Variants in HORMAD1 observed in about 807,000 individuals in gnomAD.
HORMAD1 encodes the protein HORMA domain containing 1.
In HORMAD1, 33 loss-of-function variants were observed where a neutral mutation model predicts 58.2. The observed-to-expected ratio is 0.57, with a 90% CI of 0.43 to 0.76. HORMAD1 has a LOEUF of 0.76. Among genes scored for constraint, HORMAD1 ranks in the 30% least tolerant of loss-of-function variants. HORMAD1 has a pLI of 0.00. For missense variants in HORMAD1, 363 were observed against 462.0 expected, an observed-to-expected ratio of 0.79 and a Z score of 1.96; for synonymous variants, 137 against 144.6, an observed-to-expected ratio of 0.95 and a Z score of 0.38.
rs754972573 is a variant in HORMAD1, at chr1:150,708,424, TATTA to T, written c.396-21_396-18del. 3 of 1,522,372 alleles carry T rather than the reference TATTA, an allele frequency of 2.0e-6. No homozygotes were observed. The highest frequency in any genetic ancestry group is 1.4e-5 in the African/African-American group (1 of 71,300). 94.3% of individuals were successfully genotyped at this position (1,522,372 alleles called of 1,614,324 possible). A position where few individuals can be genotyped will look rare whatever the true frequency, so the allele number is the denominator to read the frequency against. On this transcript the variant is annotated intron_variant, in intron 8 of 14. Coordinates refer to ENST00000361824, the MANE Select transcript of HORMAD1 (RefSeq NM_032132.5). Reference sequence around the variant, plus strand: ...TGGTTTTTACTAGAAGAGAATCACATATTAATTTATTTTATAAAACCTGTGGCTT... The same window carrying T: ...TGGTTTTTACTAGAAGAGAATCACATATTTATTTTATAAAACCTGTGGCTT...
intron 7 of HORMAD1, among the ~76,000 whole-genome samples, chr1:150,709,705 T>C (rs1160987666): frequency 6.6e-6 from 1 of 152,020 alleles, no homozygotes; most frequent in Non-Finnish European, 1.5e-5. Flanking sequence ...GGAAGGCCAC[T>C]GTCTCCTGCC....
chr1:150,717,468 G>A (rs1447911363), intron 2 of HORMAD1, among the ~76,000 whole-genome samples, 186 bp from the exon 3 acceptor site: 2 of 151,880 alleles, frequency 1.3e-5, no homozygotes, highest in African/African-American at 2.4e-5. Flanking sequence ...TAGGGTAATA[G>A]CCTAAAGGAC....
At chr1:150,713,453 G>A (rs190083891) in intron 5 of HORMAD1, among the ~76,000 whole-genome samples, 1 of 152,020 alleles carries the variant, frequency 6.6e-6, no homozygotes, top group African/African-American at 2.4e-5. Flanking sequence ...GGAGAATGGC[G>A]TGAACCTGGG....
chr1:150,703,779 G>A (rs2101848396), intron 12 of HORMAD1, among the ~76,000 whole-genome samples: 1 of 152,192 alleles, frequency 6.6e-6, no homozygotes, highest in Admixed American at 6.5e-5. Flanking sequence ...TTGAAAAGCA[G>A]AATAAAACAT....
At position 150,720,065 on chromosome 1, in the gene HORMAD1, C is replaced by CACCACAGCCAGCATATATAT. The variant is rs58677366; in HGVS notation, c.-33-528_-33-527insATATATATGCTGGCTGTGGT. 7.8e-3 allele frequency among the ~76,000 whole-genome samples: 1,171 copies of CACCACAGCCAGCATATATAT among 150,100 alleles called. 9 individuals are homozygous for CACCACAGCCAGCATATATAT. The highest frequency in any genetic ancestry group is 0.011 in the Non-Finnish European group (711 of 67,498). On this transcript the variant is annotated intron_variant, in intron 1 of 14. Coordinates refer to ENST00000361824, the MANE Select transcript of HORMAD1 (RefSeq NM_032132.5). ...AGTAGCTGGGACCACAGGTGCCCAC[C>CACCACAGCCAGCATATATAT]ATATATATATATACAATTTTTTTTT...
At position 150,698,698 on chromosome 1, in the gene HORMAD1, C is replaced by G; in HGVS notation, c.1141G>C (p.Val381Leu). ...HHFDSSSQES[V>L]PKRRKFSEPK... ...TCACTAAACTTTCTCCTTTTTGGCA[C>G]TGACTCTTGACTAGAAGAATCAAAG... The change falls in exon 15 of 15, where the codon GTG becomes CTG. Residue 381 changes from valine (V) to leucine (L), a missense_variant. Coordinates refer to ENST00000361824, the MANE Select transcript of HORMAD1 (RefSeq NM_032132.5). The G allele has an allele frequency of 1.2e-6, 2 of 1,604,162 alleles. No individual in the cohort carries two copies. Among genetic ancestry groups the G allele is most frequent in the Middle Eastern group, 1.7e-4 (1 of 5,994 alleles).
At position 150,698,744 on chromosome 1, in the gene HORMAD1, G is replaced by C; in HGVS notation, c.1105-10C>G. Reference sequence around the variant, plus strand: ...CAAAGTGATGGAGGACCTGTCAAAAGAAAACAACTACTAAGAATAGATACT... The same window carrying C: ...CAAAGTGATGGAGGACCTGTCAAAACAAAACAACTACTAAGAATAGATACT... On this transcript the variant is annotated splice_polypyrimidine_tract_variant and intron_variant, in intron 14 of 14. Transcript: ENST00000361824. 1 of 1,480,848 alleles carries C rather than the reference G, an allele frequency of 6.8e-7. No homozygotes were observed. Among genetic ancestry groups the C allele is most frequent in the Non-Finnish European group, 9.4e-7 (1 of 1,068,982 alleles). The allele number at this position is 1,480,848 out of a possible 1,614,324, so 91.7% of individuals were successfully genotyped here. A position where few individuals can be genotyped will look rare whatever the true frequency, so the allele number is the denominator to read the frequency against.
chr1:150,707,643 A>G (rs1271138697), intron 9 of HORMAD1, among the ~76,000 whole-genome samples: 2 of 152,248 alleles, frequency 1.3e-5, no homozygotes, highest in African/African-American at 4.8e-5. Flanking sequence ...CGTGTACAAA[A>G]GTGCCTGCTC....
At chr1:150,703,255 A>T in intron 13 of HORMAD1, 55 bp downstream of exon 13, 1 of 902,746 alleles carries the variant, frequency 1.1e-6, no homozygotes, top group Non-Finnish European at 1.8e-6. Context: ...ATAAACTCAC[A>T]TATGGGGGAG....
rs369407284 is a variant in HORMAD1, at chr1:150,719,381, G to C, written c.33+92C>G. On this transcript the variant is annotated intron_variant, in intron 2 of 14. Coordinates refer to ENST00000361824, the MANE Select transcript of HORMAD1 (RefSeq NM_032132.5). ...CCTGGTATCATAAAACCCTCAAATA[G>C]TTGAGCCCTAACTTCCAACAGAGTA... The C allele has an allele frequency of 5.3e-6, 4 of 760,552 alleles. No individual in the cohort carries two copies. The Admixed American group carries it at 1.0e-4, about 20-fold the overall frequency. The allele number at this position is 760,552 out of a possible 1,614,324, so 47.1% of individuals were successfully genotyped here. A position where few individuals can be genotyped will look rare whatever the true frequency, so the allele number is the denominator to read the frequency against.
chr1:150,720,664 TGG>T (rs1652223423), intron 1 of HORMAD1, 138 bp downstream of exon 1: 1 of 152,232 alleles, frequency 6.6e-6, no homozygotes, highest in Non-Finnish European at 1.5e-5. Flanking sequence ...GACAAGTAAG[TGG>T]GTATACATTT....
intron 3 of HORMAD1, among the ~76,000 whole-genome samples, chr1:150,716,774 T>C (rs1455209749): frequency 1.3e-5 from 2 of 148,860 alleles, no homozygotes; most frequent in Non-Finnish European, 3.0e-5. Context: ...CCATCCTGGC[T>C]AACACGGTGA....
chr1:150,716,954 C>CAAAA (rs61024265), intron 3 of HORMAD1, among the ~76,000 whole-genome samples, 184 bp downstream of exon 3: 29 of 90,674 alleles, frequency 3.2e-4, no homozygotes, highest in East Asian at 6.4e-4. Context: ...GACCCCGTCT[C>CAAAA]AAAAAAAAAA....
chr1:150,700,987 C>T (rs1651520385), intron 13 of HORMAD1, among the ~76,000 whole-genome samples: 1 of 152,196 alleles, frequency 6.6e-6, no homozygotes, highest in South Asian at 2.1e-4. Context: ...AAAGGATATA[C>T]TTCTTTTCTG....
intron 1 of HORMAD1, among the ~76,000 whole-genome samples, chr1:150,720,365 AT>A (rs1202277777): frequency 1.3e-5 from 2 of 151,268 alleles, no homozygotes; most frequent in South Asian, 4.2e-4. Context: ...CCGGCCGCTA[AT>A]TTTTTTTTCT....
At chr1:150,714,256 C>A in intron 4 of HORMAD1, 135 bp from the exon 5 acceptor site, 1 of 552,984 alleles carries the variant, frequency 1.8e-6, no homozygotes, top group Admixed American at 3.5e-5. Flanking sequence ...TATTAACTAG[C>A]TTAAAACAAG....
chr1:150,703,884 G>A (rs587662944), intron 12 of HORMAD1, among the ~76,000 whole-genome samples: 8 of 152,244 alleles, frequency 5.3e-5, no homozygotes, highest in African/African-American at 1.9e-4. Context: ...ATCTAGCTCT[G>A]AAATTCTCAG....
At chr1:150,703,249 A>T in intron 13 of HORMAD1, 61 bp downstream of exon 13, 1 of 861,382 alleles carries the variant, frequency 1.2e-6, no homozygotes, top group Non-Finnish European at 1.9e-6. Context: ...ATTAAAATAA[A>T]CTCACATATG....
At chr1:150,706,938 T>A in intron 9 of HORMAD1, 129 bp from the exon 10 acceptor site, 1 of 719,876 alleles carries the variant, frequency 1.4e-6, no homozygotes, top group East Asian at 2.9e-5. Context: ...ACATACGAAT[T>A]ACTCTCCTGC....
Sources: gnomAD v4.1 joint callset for allele counts (sites outside exome capture counted in the v4.1 genomes callset) on GRCh38, gnomAD v4.1.1 for gene constraint, MANE v1.5 for transcripts, NCBI Gene and HGNC (gene_info 2026-07-23, HGNC 2026-07-21) for gene names.